Variants in LONRF2 observed in about 807,000 individuals in gnomAD.
LONRF2 encodes LON peptidase N-terminal domain and RING finger protein 2.
Under a neutral mutation model 66.6 loss-of-function variants are expected in LONRF2, and 35 were observed. That is an observed-to-expected ratio of 0.53 (90% confidence interval 0.40 to 0.70). The LOEUF (loss-of-function observed/expected upper bound fraction) is 0.70. Ranked by LOEUF, LONRF2 falls within the 30% of genes least tolerant of loss-of-function variation. The pLI is 0.00. For synonymous variants in LONRF2, 417 were observed against 418.1 expected (o/e 1.00, Z 0.03); for missense variants, 902 against 1,002.1 (o/e 0.90, Z 1.35).
Position 100,295,498 on chromosome 2 carries a change from C to G in LONRF2, c.1532G>C (p.Arg511Pro), listed in dbSNP as rs773828616. 1.2e-6 allele frequency: 2 copies of G among 1,613,454 alleles called. No homozygotes were observed. The highest frequency in any genetic ancestry group is 2.2e-5 in the East Asian group (1 of 44,858). ...ITVLAEELIF[R>P]YLPDELSDRK... Reference sequence around the variant, plus strand: ...ATCAGACAATTCATCCGGCAAATATCGAAATATTAATTCTTCGGCCAGAAC... The same window carrying G: ...ATCAGACAATTCATCCGGCAAATATGGAAATATTAATTCTTCGGCCAGAAC... The change falls in exon 8 of 12, where the codon CGA (arginine) becomes CCA (proline). Residue 511 changes from arginine to proline, a missense_variant. Coordinates refer to ENST00000393437, the MANE Select transcript of LONRF2 (RefSeq NM_198461.4).
intron 1 of LONRF2, among the ~76,000 whole-genome samples, chr2:100,313,780 CTG>C (rs1675452951): frequency 6.6e-6 from 1 of 152,148 alleles, no homozygotes; most frequent in African/African-American, 2.4e-5. Context: ...ATTCTCACCT[CTG>C]TCACTTTGGA....
In LONRF2 at chr2:100,303,039, T is replaced by G; in HGVS notation, c.803A>C (p.His268Pro). Residue 268 changes from histidine (H) to proline (P), a missense_variant, in exon 3 of 12, where the codon CAT becomes CCT. Around this residue, in one of 2 missense-constraint regions of LONRF2, gnomAD observed 585 missense variants for 569.9 expected, o/e 1.03. Coordinates refer to ENST00000393437, the MANE Select transcript of LONRF2 (RefSeq NM_198461.4). ...CQNEPLLIKG[H>P]QVKAQALSGL... ...AGAAAGAGCCTGAGCTTTTACTTGA[T>G]GTCCCTAGATTCACCGAAGACAAAG... 1 of 1,597,216 alleles carries G rather than the reference T, an allele frequency of 6.3e-7. No individual in the cohort carries two copies. The highest frequency in any genetic ancestry group is 8.5e-7 in the Non-Finnish European group (1 of 1,172,738).
chr2:100,313,625 A>G (rs143169568), intron 1 of LONRF2, among the ~76,000 whole-genome samples: 68 of 152,354 alleles, frequency 4.5e-4, no homozygotes, highest in African/African-American at 1.6e-3. Context: ...GACTGTAATT[A>G]CAGAGTCAAG....
In LONRF2 at chr2:100,284,508, G is replaced by T. The variant is rs1282421113; in HGVS notation, c.2071-16C>A. ...TGGGATTACTCTGCAAAAGAGATGA[G>T]GGGAAAGCAAGGTTAACACTGGAAA... On this transcript the variant is annotated splice_polypyrimidine_tract_variant and intron_variant, in intron 11 of 11. Transcript: ENST00000393437. 1.3e-6 allele frequency: 2 copies of T among 1,532,928 alleles called. No homozygotes were observed. The highest frequency in any genetic ancestry group is 8.8e-7 in the Non-Finnish European group (1 of 1,138,858). 95.0% of individuals were successfully genotyped at this position (1,532,928 alleles called of 1,614,324 possible).
chr2:100,293,651 G>A (rs900357604), intron 9 of LONRF2, among the ~76,000 whole-genome samples: 1 of 152,204 alleles, frequency 6.6e-6, no homozygotes, highest in African/African-American at 2.4e-5. Flanking sequence ...AACGAGGGGA[G>A]GTGAAAACCA....
At chr2:100,319,685 A>G (rs1675582442) in intron 1 of LONRF2, among the ~76,000 whole-genome samples, 1 of 152,170 alleles carries the variant, frequency 6.6e-6, no homozygotes, top group African/African-American at 2.4e-5. Context: ...ACTGTAGTTG[A>G]TTTATTTTCT....
chr2:100,299,105 A>C, intron 6 of LONRF2, 121 bp downstream of exon 6: 2 of 862,320 alleles, frequency 2.3e-6, no homozygotes, highest in Non-Finnish European at 1.8e-6. Context: ...TTTAGAAAAT[A>C]AATCAATTAT....
chr2:100,305,109 T>C (rs1335205969), intron 2 of LONRF2, among the ~76,000 whole-genome samples: 1 of 152,178 alleles, frequency 6.6e-6, no homozygotes, highest in Non-Finnish European at 1.5e-5. Flanking sequence ...TACTTTCACG[T>C]AGTGATCCTG....
chr2:100,307,663 A>G (rs930275973), intron 2 of LONRF2, among the ~76,000 whole-genome samples: 3 of 152,220 alleles, frequency 2.0e-5, no homozygotes, highest in Non-Finnish European at 4.4e-5. Flanking sequence ...CAAGAGATCT[A>G]TTATGATACC....
intron 3 of LONRF2, among the ~76,000 whole-genome samples, chr2:100,301,019 T>C (rs1018422611): frequency 2.8e-4 from 42 of 152,104 alleles, no homozygotes; most frequent in African/African-American, 9.9e-4. Flanking sequence ...AATGACAAAA[T>C]GATAGCAATA....
rs143013798 is a variant in LONRF2 at position 100,278,912 on chromosome 2, C to T, written c.*5386G>A. The T allele has an allele frequency of 1.1e-3, 169 of 152,158 alleles. 1 individual carries two copies. Among genetic ancestry groups the T allele is most frequent in the Admixed American group, 2.4e-3 (36 of 15,286 alleles). The allele number at this position is 152,158 out of a possible 1,614,324, so 9.4% of individuals were successfully genotyped here. Reference sequence around the variant, plus strand: ...ATGCTGATACATGCCCTGCTTCTGCCGAAACATGGCCCCCTACACTCCCAT... The same window carrying T: ...ATGCTGATACATGCCCTGCTTCTGCTGAAACATGGCCCCCTACACTCCCAT... On this transcript the variant is annotated 3_prime_UTR_variant, in exon 12 of 12. Transcript: ENST00000393437.
At position 100,273,430 on chromosome 2, in the gene LONRF2, T is replaced by C. The variant is rs1674536891; in HGVS notation, c.*10868A>G. 6.6e-6 allele frequency: 1 copy of C among 152,254 alleles called. No homozygotes were observed. The highest frequency in any genetic ancestry group is 1.5e-5 in the Non-Finnish European group (1 of 68,040). 9.4% of individuals were successfully genotyped at this position (152,254 alleles called of 1,614,324 possible). The stretch of plus-strand genomic sequence containing the variant: ...AGTCTAGCCTATTACTTAGGTGTGA[T>C]TATTTATTAAAGAACATTTACAACA... On this transcript the variant is annotated 3_prime_UTR_variant, in exon 12 of 12. Transcript: ENST00000393437.
At chr2:100,293,217 T>C (rs1209983712) in intron 9 of LONRF2, among the ~76,000 whole-genome samples, 2 of 152,226 alleles carry the variant, frequency 1.3e-5, no homozygotes, top group East Asian at 1.9e-4. Flanking sequence ...GCATTGAGTC[T>C]GTGCACCAAC....
In LONRF2 at chr2:100,273,181, G is replaced by T. The variant is rs2105702986; in HGVS notation, c.*11117C>A. ...CGCTGGCCGAGGAAGGCCGAGGTCG[G>T]CCAGCAGCCACACCAGCTGGAGGAG... On this transcript the variant is annotated 3_prime_UTR_variant, in exon 12 of 12. Coordinates refer to ENST00000393437, the MANE Select transcript of LONRF2 (RefSeq NM_198461.4). 1 of 152,380 alleles carries T rather than the reference G, an allele frequency of 6.6e-6. No homozygotes were observed. Among genetic ancestry groups the T allele is most frequent in the Middle Eastern group, 3.4e-3 (1 of 294 alleles). The allele number at this position is 152,380 out of a possible 1,614,324, so 9.4% of individuals were successfully genotyped here.
At chr2:100,303,751 T>C (rs1305874164) in intron 2 of LONRF2, among the ~76,000 whole-genome samples, 1 of 152,204 alleles carries the variant, frequency 6.6e-6, no homozygotes, top group African/African-American at 2.4e-5. Context: ...TTCAAGACTT[T>C]CCTTTTATCT....
Position 100,298,860 on chromosome 2 carries a change from A to G in LONRF2, c.1452T>C (p.Pro484=). The change falls in exon 7 of 12, where the codon CCT becomes CCC. Residue 484 remains proline, a synonymous_variant. Coordinates refer to ENST00000393437, the MANE Select transcript of LONRF2 (RefSeq NM_198461.4). ...ERCLDHAPHC[P]LCKDKLSELL... ...CTTCCGAAAGTTTGTCTTTGCACAAAGGACAGTGTGGGGCGTGGTCAAGGC... is the reference window on the plus strand; with the variant it reads ...CTTCCGAAAGTTTGTCTTTGCACAAGGGACAGTGTGGGGCGTGGTCAAGGC... 6.2e-7 allele frequency: 1 copy of G among 1,614,092 alleles called. No individual in the cohort carries two copies. Among genetic ancestry groups the G allele is most frequent in the Non-Finnish European group, 8.5e-7 (1 of 1,179,942 alleles).
At chr2:100,287,459 T>C (rs1255666734) in intron 10 of LONRF2, among the ~76,000 whole-genome samples, 2 of 152,204 alleles carry the variant, frequency 1.3e-5, no homozygotes, top group Non-Finnish European at 2.9e-5. Flanking sequence ...TTGTTTTGTT[T>C]TGCTTTTTTG....
At position 100,279,148 on chromosome 2, in the gene LONRF2, CTGT is replaced by C. The variant is rs1464207415; in HGVS notation, c.*5147_*5149del. Reference sequence around the variant, plus strand: ...CTGGGTCTCCACAGCCACTCCCTCCCTGTGGTGACACATGAACACCACGAGTCT... The same window carrying C: ...CTGGGTCTCCACAGCCACTCCCTCCCGGTGACACATGAACACCACGAGTCT... On this transcript the variant is annotated 3_prime_UTR_variant, in exon 12 of 12. Coordinates refer to ENST00000393437, the MANE Select transcript of LONRF2 (RefSeq NM_198461.4). The C allele has an allele frequency of 6.6e-6, 1 of 152,258 alleles. No individual in the cohort carries two copies. The highest frequency in any genetic ancestry group is 2.4e-5 in the African/African-American group (1 of 41,408). The allele number at this position is 152,258 out of a possible 1,614,324, so 9.4% of individuals were successfully genotyped here.
At position 100,279,874 on chromosome 2, in the gene LONRF2, G is replaced by A. The variant is rs1265867086; in HGVS notation, c.*4424C>T. 1.3e-5 allele frequency: 2 copies of A among 152,304 alleles called. No homozygotes were observed. The highest frequency in any genetic ancestry group is 2.9e-5 in the Non-Finnish European group (2 of 68,162). 9.4% of individuals were successfully genotyped at this position (152,304 alleles called of 1,614,324 possible). A position where few individuals can be genotyped will look rare whatever the true frequency, so the allele number is the denominator to read the frequency against. ...GCAGAACATACAGTAGAGGGTCTGAGCCACGTTCCTCCTCACTCCTGCTTC... is the reference window on the plus strand; with the variant it reads ...GCAGAACATACAGTAGAGGGTCTGAACCACGTTCCTCCTCACTCCTGCTTC... On this transcript the variant is annotated 3_prime_UTR_variant, in exon 12 of 12. Coordinates refer to ENST00000393437, the MANE Select transcript of LONRF2 (RefSeq NM_198461.4).
Sources: gnomAD v4.1 joint callset for allele counts (sites outside exome capture counted in the v4.1 genomes callset) on GRCh38, gnomAD v4.1.1 for gene constraint, gnomAD v4.1.1 regional missense constraint, MANE v1.5 for transcripts, NCBI Gene and HGNC (gene_info 2026-07-23, HGNC 2026-07-21) for gene names.